ABCC1: variants seen among roughly 807,000 people sequenced by gnomAD.
ABCC1 encodes ATP binding cassette subfamily C member 1 (ABCC1 blood group), also known as multidrug resistance-associated protein 1.
A neutral mutation model predicts 172.9 loss-of-function variants in ABCC1; 83 were observed. That is an observed-to-expected ratio of 0.48 (90% CI 0.40 to 0.58). The LOEUF is 0.58. Ranked by LOEUF, ABCC1 falls within the 20% of genes least tolerant of loss-of-function variation. ABCC1 has a pLI of 0.00. For missense variants in ABCC1, 1,817 were observed against 2,002.7 expected (o/e 0.91, Z 1.77); for synonymous variants, 937 against 825.2 (o/e 1.14, Z -2.32).
At chr16:16,133,889 A>G (rs2045807007) in intron 27 of ABCC1, among the ~76,000 whole-genome samples, 1 of 152,144 alleles carries the variant, frequency 6.6e-6, no homozygotes, top group Admixed American at 6.5e-5. Flanking sequence ...TCAAGAGAGG[A>G]TGCATGGAGA....
intron 26 of ABCC1, among the ~76,000 whole-genome samples, chr16:16,130,042 T>A (rs1010460732): frequency 6.6e-6 from 1 of 152,248 alleles, no homozygotes; most frequent in Non-Finnish European, 1.5e-5. Context: ...CATATCCAGC[T>A]GTGGGCCTCA....
chr16:16,052,515 G>C (rs939558300), intron 10 of ABCC1, among the ~76,000 whole-genome samples: 1 of 152,146 alleles, frequency 6.6e-6, no homozygotes, highest in African/African-American at 2.4e-5. Context: ...GCGTGGACCT[G>C]CTTATTCTTC....
intron 2 of ABCC1, among the ~76,000 whole-genome samples, chr16:16,008,612 T>C (rs968797368): frequency 6.6e-6 from 1 of 151,648 alleles, no homozygotes; most frequent in Non-Finnish European, 1.5e-5. Context: ...CCCAGCACTT[T>C]GGGAGGCCAA....
intron 21 of ABCC1, 50 bp downstream of exon 21, chr16:16,106,923 CCACTGTG>C (rs757789668): frequency 1.4e-5 from 23 of 1,610,434 alleles, no homozygotes; most frequent in Non-Finnish European, 1.8e-5. Flanking sequence ...TATAGAGCGC[CCACTGTG>C]CACTGGGCAC....
chr16:15,973,361 G>T (rs1191064434), intron 1 of ABCC1, among the ~76,000 whole-genome samples: 1 of 152,106 alleles, frequency 6.6e-6, no homozygotes, highest in Admixed American at 6.6e-5. Context: ...TCACGATGGG[G>T]CAGGGAGCGC....
At chr16:16,127,366 C>T (rs138879565) in intron 26 of ABCC1, among the ~76,000 whole-genome samples, 37 of 152,256 alleles carry the variant, frequency 2.4e-4, no homozygotes, top group Admixed American at 1.6e-3. Context: ...GCCATCACAC[C>T]GGACTGATTT....
chr16:16,040,747 C>T (rs1212689243), intron 7 of ABCC1, among the ~76,000 whole-genome samples: 4 of 152,016 alleles, frequency 2.6e-5, no homozygotes, highest in African/African-American at 7.3e-5. Flanking sequence ...CTCAGCCTCC[C>T]AAATAGCTGG....
At chr16:16,047,250 C>T (rs548746269) in intron 9 of ABCC1, among the ~76,000 whole-genome samples, 3 of 152,144 alleles carry the variant, frequency 2.0e-5, no homozygotes, top group African/African-American at 4.8e-5. Flanking sequence ...AGTGAAATTG[C>T]GATTGCTGTG....
At chr16:16,092,807 T>C (rs1567394880) in intron 19 of ABCC1, among the ~76,000 whole-genome samples, 1 of 152,174 alleles carries the variant, frequency 6.6e-6, no homozygotes, top group Non-Finnish European at 1.5e-5. Flanking sequence ...CTGGGCAGCA[T>C]GGTGAAACCT....
chr16:16,041,094 AT>A (rs35254618), intron 7 of ABCC1, among the ~76,000 whole-genome samples: 1,612 of 133,042 alleles, frequency 0.012, 23 homozygotes, highest in African/African-American at 0.038. Context: ...CACCTGGCTA[AT>A]TTTTTTTTTT....
intron 5 of ABCC1, among the ~76,000 whole-genome samples, chr16:16,018,571 T>C (rs1244834668): frequency 6.6e-6 from 1 of 151,854 alleles, no homozygotes; most frequent in Non-Finnish European, 1.5e-5. Flanking sequence ...AAGAAATGCA[T>C]GTCCCAGTGT....
In ABCC1 at chr16:16,034,700, G is replaced by T. The variant is rs2048689255; in HGVS notation, c.677+1530G>T. ...CTTCCTGGGTTCAAGAGATTCTCCT[G>T]TCTCAGCCTCCTGAGTAGCTGGGAT... is the stretch of plus-strand genomic sequence containing the variant. On this transcript the variant is annotated intron_variant, in intron 6 of 30. Transcript: ENST00000399410. Among the ~76,000 whole-genome samples, 3 of 145,786 alleles carry T rather than the reference G, an allele frequency of 2.1e-5. No homozygotes were observed. In the Admixed American group the frequency reaches 2.2e-4, roughly 11 times the overall value.
intron 19 of ABCC1, chr16:16,099,020 G>T: frequency 4.5e-6 from 4 of 884,024 alleles, no homozygotes; most frequent in Non-Finnish European, 6.7e-6. Flanking sequence ...CACCCCTCCG[G>T]TTGTTCATTG....
chr16:15,994,328 C>T (rs988530297), intron 1 of ABCC1, among the ~76,000 whole-genome samples: 1 of 152,130 alleles, frequency 6.6e-6, no homozygotes, highest in Non-Finnish European at 1.5e-5. Flanking sequence ...CAAATCCTGG[C>T]CCTGTTTCTT....
intron 5 of ABCC1, among the ~76,000 whole-genome samples, chr16:16,017,119 G>A (rs1185854284): frequency 6.6e-6 from 1 of 152,164 alleles, no homozygotes; most frequent in Non-Finnish European, 1.5e-5. Context: ...GGTCTATTTT[G>A]TCAGTTTCAG....
At chr16:16,099,309 A>G (rs1238205002) in intron 19 of ABCC1, among the ~76,000 whole-genome samples, 2 of 152,198 alleles carry the variant, frequency 1.3e-5, no homozygotes, top group Non-Finnish European at 2.9e-5. Flanking sequence ...ATGGGCCCAG[A>G]CAATGCAGGG....
chr16:16,121,932 G>A, intron 23 of ABCC1, 43 bp from the exon 24 acceptor site: 3 of 1,605,040 alleles, frequency 1.9e-6, no homozygotes, highest in Non-Finnish European at 2.6e-6. Flanking sequence ...AGGATGGCAG[G>A]AGGGAACCTT....
At chr16:16,060,145 A>T (rs548153230) in intron 12 of ABCC1, among the ~76,000 whole-genome samples, 2 of 152,288 alleles carry the variant, frequency 1.3e-5, no homozygotes, top group African/African-American at 4.8e-5. Context: ...CACCTGCCAC[A>T]TTCTACTGCC....
At chr16:16,091,360 G>A (rs1450577340) in intron 19 of ABCC1, among the ~76,000 whole-genome samples, 4 of 125,574 alleles carry the variant, frequency 3.2e-5, no homozygotes, top group African/African-American at 6.1e-5. Context: ...AAGCCAGGAG[G>A]AATTCAAGAC....
Sources: gnomAD v4.1 joint callset for allele counts (sites outside exome capture counted in the v4.1 genomes callset) on GRCh38, gnomAD v4.1.1 for gene constraint, MANE v1.5 for transcripts, NCBI Gene and HGNC (gene_info 2026-07-23, HGNC 2026-07-21) for gene names.